Variants in SCN11A observed in about 807,000 individuals in gnomAD.
The protein encoded by SCN11A is sodium channel protein type 11 subunit alpha.
A neutral mutation model predicts 162.2 loss-of-function variants in SCN11A; 122 were observed. That is an observed-to-expected ratio of 0.75 (90% CI 0.65 to 0.87). The LOEUF is 0.87. Ranked by LOEUF, SCN11A falls within the 40% of genes least tolerant of loss-of-function variation. The probability of loss-of-function intolerance (pLI) is 0.00; values close to 1 mark genes in which losing one functional copy is unlikely to be tolerated. For synonymous variants in SCN11A, 758 were observed against 751.5 expected (o/e 1.01, Z -0.14); for missense variants, 2,015 against 2,181.6 (o/e 0.92, Z 1.52).
At chr3:39,014,255 T>C (rs902872991) in intron 2 of SCN11A, among the ~76,000 whole-genome samples, 2 of 152,214 alleles carry the variant, frequency 1.3e-5, no homozygotes, top group African/African-American at 2.4e-5. Context: ...TCAGTCCTCA[T>C]TGAGTAGAAA....
intron 3 of SCN11A, among the ~76,000 whole-genome samples, chr3:38,955,116 C>A (rs945668920): frequency 6.6e-6 from 1 of 152,118 alleles, no homozygotes; most frequent in Non-Finnish European, 1.5e-5. Flanking sequence ...TGGTGAAAAC[C>A]CATCTCTACT....
intron 28 of SCN11A, among the ~76,000 whole-genome samples, chr3:38,855,790 C>T (rs2064858914): frequency 6.6e-6 from 1 of 152,202 alleles, no homozygotes; most frequent in Non-Finnish European, 1.5e-5. Context: ...TATCTACAGC[C>T]AAGGACTCTC....
rs539774507 is a variant in SCN11A, at chr3:38,955,799, G to T, written c.-138-2040C>A. Among the ~76,000 whole-genome samples, 4 of 152,232 alleles carry T rather than the reference G, an allele frequency of 2.6e-5. No homozygotes were observed. In the South Asian group the frequency reaches 8.3e-4, roughly 32 times the overall value. ...TATATACTCCCAAACAATGAAAAGA[G>T]AATTCAGAAAAGCAGGATGCATGGA... On this transcript the variant is annotated intron_variant, in intron 3 of 29. Coordinates refer to ENST00000302328, the MANE Select transcript of SCN11A (RefSeq NM_001349253.2).
intron 23 of SCN11A, among the ~76,000 whole-genome samples, chr3:38,876,059 T>C (rs894248339): frequency 2.6e-5 from 4 of 151,974 alleles, no homozygotes; most frequent in African/African-American, 9.7e-5. Flanking sequence ...TAAAGCCAAA[T>C]ACCTACAGCC....
intron 21 of SCN11A, 148 bp downstream of exon 21, chr3:38,885,140 G>A (rs1299712810): frequency 4.0e-5 from 24 of 601,312 alleles, no homozygotes; most frequent in Non-Finnish European, 5.6e-5. Flanking sequence ...TCCGACAATC[G>A]CCTCAAGAAT....
intron 2 of SCN11A, among the ~76,000 whole-genome samples, chr3:39,006,244 T>C (rs1390814261): frequency 6.6e-6 from 1 of 152,238 alleles, no homozygotes; most frequent in Non-Finnish European, 1.5e-5. Context: ...AGTTTTGCAT[T>C]GTGTATTGTG....
intron 28 of SCN11A, among the ~76,000 whole-genome samples, chr3:38,856,309 C>G (rs2064868483): frequency 6.6e-6 from 1 of 152,156 alleles, no homozygotes; most frequent in African/African-American, 2.4e-5. Flanking sequence ...TGGAACAATC[C>G]AGGGTGAGTG....
intron 2 of SCN11A, among the ~76,000 whole-genome samples, chr3:38,998,451 A>T (rs9311201): frequency 3.2e-4 from 48 of 152,162 alleles, no homozygotes; most frequent in African/African-American, 9.9e-4. Context: ...AGCTCTTATA[A>T]GGTAGAATTA....
intron 4 of SCN11A, among the ~76,000 whole-genome samples, chr3:38,950,938 C>CT (rs1213688565): frequency 6.6e-6 from 1 of 152,264 alleles, no homozygotes; most frequent in Non-Finnish European, 1.5e-5. Context: ...CATGCCGGCT[C>CT]TCTCACTTCT....
chr3:38,905,365 C>G (rs763126068), intron 14 of SCN11A, 44 bp from the exon 15 acceptor site: 1 of 1,591,644 alleles, frequency 6.3e-7, no homozygotes, highest in Non-Finnish European at 8.6e-7. Context: ...CAGGGGCTGC[C>G]TCTCCTCAAA....
chr3:38,977,974 A>C (rs2066859242), intron 2 of SCN11A, among the ~76,000 whole-genome samples: 1 of 152,184 alleles, frequency 6.6e-6, no homozygotes, highest in Non-Finnish European at 1.5e-5. Flanking sequence ...GCTTTCAGAA[A>C]ATTATTTTCC....
intron 2 of SCN11A, among the ~76,000 whole-genome samples, chr3:38,995,909 A>G (rs1056450716): frequency 3.9e-5 from 6 of 152,162 alleles, no homozygotes; most frequent in Non-Finnish European, 5.9e-5. Flanking sequence ...TGTACAGATA[A>G]GGATGTATAT....
rs575733264 is a variant in SCN11A at position 38,960,530 on chromosome 3, A to C, written c.-279-107T>G. Among the ~76,000 whole-genome samples, 373 of 152,360 alleles carry C rather than the reference A, an allele frequency of 2.4e-3. 1 individual carries two copies. Among genetic ancestry groups the C allele is most frequent in the Non-Finnish European group, 4.4e-3 (302 of 68,044 alleles). ...GAGAAGTGACTGAGAGGGTACTTAC[A>C]TTTATACTTTGGAAGCATCTGCCTT... On this transcript the variant is annotated intron_variant, in intron 2 of 29. Coordinates refer to ENST00000302328, the MANE Select transcript of SCN11A (RefSeq NM_001349253.2).
At chr3:38,949,023 C>T (rs1271746549) in intron 5 of SCN11A, among the ~76,000 whole-genome samples, 1 of 152,168 alleles carries the variant, frequency 6.6e-6, no homozygotes, top group African/African-American at 2.4e-5. Context: ...CCTCATTTGG[C>T]CTGGCAACTC....
intron 19 of SCN11A, among the ~76,000 whole-genome samples, chr3:38,887,600 AAAAATAAAAAAT>A (rs1185752085): frequency 4.6e-5 from 7 of 151,760 alleles, no homozygotes; most frequent in Non-Finnish European, 1.5e-5. Context: ...GATAAAATAA[AAAAATAAAAAAT>A]AAAATAAAAT....
At chr3:39,042,132 G>A (rs1186685713) in intron 1 of SCN11A, among the ~76,000 whole-genome samples, 2 of 152,054 alleles carry the variant, frequency 1.3e-5, no homozygotes, top group African/African-American at 2.4e-5. Context: ...ATCTGGGCGT[G>A]GTGGTAGGCG....
chr3:38,973,813 A>C (rs971431971), intron 2 of SCN11A, among the ~76,000 whole-genome samples: 1 of 152,164 alleles, frequency 6.6e-6, no homozygotes, highest in Non-Finnish European at 1.5e-5. Context: ...GGACCATCTA[A>C]AGTGGAATAT....
intron 2 of SCN11A, among the ~76,000 whole-genome samples, chr3:38,969,736 TAAGAA>T (rs1425325603): frequency 1.3e-5 from 2 of 152,190 alleles, no homozygotes; most frequent in Non-Finnish European, 2.9e-5. Flanking sequence ...ACAATGTGCA[TAAGAA>T]AAGAGACAGT....
chr3:39,036,953 T>C (rs796355643), intron 1 of SCN11A, among the ~76,000 whole-genome samples: 36 of 152,276 alleles, frequency 2.4e-4, no homozygotes, highest in African/African-American at 8.7e-4. Context: ...TACTATACGA[T>C]CCAGCAATCC....
Sources: gnomAD v4.1 joint callset for allele counts (sites outside exome capture counted in the v4.1 genomes callset) on GRCh38, gnomAD v4.1.1 for gene constraint, MANE v1.5 for transcripts, NCBI Gene and HGNC (gene_info 2026-07-23, HGNC 2026-07-21) for gene names.